The following LMTK2 variants were observed in gnomAD, a reference collection of about 807,000 sequenced individuals.
LMTK2 encodes serine/threonine-protein kinase LMTK2.
In LMTK2, 37 loss-of-function variants were observed where a neutral mutation model predicts 127.5. The observed-to-expected ratio is 0.29, with a 90% CI of 0.22 to 0.38. The LOEUF (loss-of-function observed/expected upper bound fraction) is 0.38, where lower values mean the gene tolerates loss of function less well. LMTK2 is among the 10% of genes least tolerant of loss of function. The pLI is 1.00. For missense variants in LMTK2, 1,694 were observed against 1,920.3 expected, an observed-to-expected ratio of 0.88 and a Z score of 2.20; for synonymous variants, 819 against 810.1, an observed-to-expected ratio of 1.01 and a Z score of -0.19.
At chr7:98,183,474 G>A (rs948218308) in intron 7 of LMTK2, among the ~76,000 whole-genome samples, 3 of 151,984 alleles carry the variant, frequency 2.0e-5, no homozygotes, top group African/African-American at 7.2e-5. Flanking sequence ...TGCAGCCTCC[G>A]CCTCTGGGGG....
chr7:98,193,010 G>A lies in LMTK2; in HGVS notation c.2545G>A (p.Val849Ile), dbSNP rs56196840. The A allele has an allele frequency of 1.2e-6, 2 of 1,613,936 alleles. No homozygotes were observed. The highest frequency in any genetic ancestry group is 1.7e-6 in the Non-Finnish European group (2 of 1,180,022). Residue 849 changes from valine (V) to isoleucine (I), a missense_variant, in exon 11 of 14, where the codon GTC becomes ATC. Val to Ile is a conservative substitution (Grantham distance 29). This residue lies in a region of LMTK2 where 527 missense variants were observed against 539.8 expected (regional missense o/e 0.98). Transcript: ENST00000297293. This position sits in a 1 kb window ranked among gnomAD's most constrained non-coding sequence, Gnocchi z 4.1. ...CCAGCCCACGTGTTTAGATGTTATT[G>A]TCCCGGAGGACTGTCTCCACCAGGA... ...ETQPTCLDVI[V>I]PEDCLHQDIS...
chr7:98,139,089 C>T (rs1256723435), intron 2 of LMTK2, among the ~76,000 whole-genome samples: 1 of 152,174 alleles, frequency 6.6e-6, no homozygotes, highest in East Asian at 1.9e-4. Context: ...AGATAGCCAG[C>T]AGCAAAACTT....
intron 9 of LMTK2, among the ~76,000 whole-genome samples, chr7:98,187,208 C>G (rs1797449092): frequency 6.6e-6 from 1 of 152,172 alleles, no homozygotes; most frequent in South Asian, 2.1e-4. Context: ...CCCCTGCTAC[C>G]CATTTTCCTT....
At chr7:98,111,379 A>G (rs990026121) in intron 1 of LMTK2, among the ~76,000 whole-genome samples, 1 of 152,250 alleles carries the variant, frequency 6.6e-6, no homozygotes, top group Non-Finnish European at 1.5e-5. Context: ...AGTCCTCAAA[A>G]AAGTTCTTGT....
At position 98,194,519 on chromosome 7, in the gene LMTK2, G is replaced by A. The variant is rs1201176679; in HGVS notation, c.4054G>A (p.Glu1352Lys). The change falls in exon 11 of 14, where the codon GAA (glutamate) becomes AAA (lysine). Residue 1352 changes from glutamate to lysine, a missense_variant. Coordinates refer to ENST00000297293, the MANE Select transcript of LMTK2 (RefSeq NM_014916.4). This position sits in a 1 kb window ranked among gnomAD's most constrained non-coding sequence, Gnocchi z 5.4. ...PDPLPEDWKK[E>K]KKAVTFFDDV... ...CCCACTGCCCGAGGACTGGAAGAAG[G>A]AAAAGAAGGCAGTCACGTTTTTCGA... The A allele has an allele frequency of 1.2e-6, 2 of 1,612,342 alleles. No individual in the cohort carries two copies. Among genetic ancestry groups the A allele is most frequent in the Non-Finnish European group, 1.7e-6 (2 of 1,180,038 alleles).
chr7:98,152,368 C>G (rs747975696), intron 4 of LMTK2, among the ~76,000 whole-genome samples: 1 of 152,200 alleles, frequency 6.6e-6, no homozygotes, highest in Non-Finnish European at 1.5e-5. Flanking sequence ...GATGCACTTC[C>G]CAGTAGTCAG....
chr7:98,116,546 C>A (rs573878849), intron 1 of LMTK2, among the ~76,000 whole-genome samples: 74 of 151,994 alleles, frequency 4.9e-4, no homozygotes, highest in Non-Finnish European at 9.0e-4. Context: ...TGGGATGAGG[C>A]CATTTATAGT....
rs541984303 is a variant in LMTK2 at position 98,155,570 on chromosome 7, CG to C, written c.569+697del. On this transcript the variant is annotated intron_variant, in intron 5 of 13. Coordinates refer to ENST00000297293, the MANE Select transcript of LMTK2 (RefSeq NM_014916.4). ...GACAGAAACAGCACTTTACCTATAG[CG>C]GGAAGCAATGTGGAGGACAGCCGAT... 1.4e-3 allele frequency among the ~76,000 whole-genome samples: 215 copies of C among 151,228 alleles called. 1 individual carries two copies. The South Asian group carries it at 0.018, about 12-fold the overall frequency.
At chr7:98,143,021 G>C (rs1796721269) in intron 3 of LMTK2, among the ~76,000 whole-genome samples, 1 of 152,180 alleles carries the variant, frequency 6.6e-6, no homozygotes, top group Admixed American at 6.5e-5. Flanking sequence ...ACAGGATGCA[G>C]AGCCATCACT....
chr7:98,125,024 G>A (rs993200178), intron 1 of LMTK2, among the ~76,000 whole-genome samples: 1 of 150,096 alleles, frequency 6.7e-6, no homozygotes, highest in South Asian at 2.1e-4. Context: ...CCCAGTCCAG[G>A]CTAGGCGCAT....
intron 1 of LMTK2, among the ~76,000 whole-genome samples, chr7:98,115,749 A>G (rs1344672668): frequency 1.3e-5 from 2 of 152,186 alleles, no homozygotes; most frequent in Non-Finnish European, 2.9e-5. Context: ...AGATCGCACC[A>G]CTGTGCCCAG....
chr7:98,136,607 C>G (rs1285235546), intron 1 of LMTK2, among the ~76,000 whole-genome samples: 1 of 152,190 alleles, frequency 6.6e-6, no homozygotes, highest in East Asian at 1.9e-4. Context: ...AAAGGTAGGC[C>G]TGCAGTGGGT....
At chr7:98,178,393 G>A (rs1225673852) in intron 7 of LMTK2, among the ~76,000 whole-genome samples, 2 of 152,184 alleles carry the variant, frequency 1.3e-5, no homozygotes, top group East Asian at 3.8e-4. Context: ...GAATCGGGGT[G>A]GGAACCCTTC....
Position 98,180,925 on chromosome 7 carries a change from G to A in LMTK2, c.792-4126G>A, listed in dbSNP as rs949748198. ...CCCAGCTGGTTCCGGTTCCGTGAGC[G>A]CCCGGCAGACTGAGGGAGAGAGAGA... On this transcript the variant is annotated intron_variant, in intron 7 of 13. Transcript: ENST00000297293. Among the ~76,000 whole-genome samples, 12 of 152,206 alleles carry A rather than the reference G, an allele frequency of 7.9e-5. No individual in the cohort carries two copies. The South Asian group carries it at 8.3e-4, about 11-fold the overall frequency.
At position 98,194,605 on chromosome 7, in the gene LMTK2, C is replaced by T. The variant is rs758636505; in HGVS notation, c.4107+33C>T. On this transcript the variant is annotated intron_variant, in intron 11 of 13. Transcript: ENST00000297293. The surrounding 1 kb of genome is among the most constrained non-coding windows in gnomAD (Gnocchi z 5.4). The stretch of plus-strand genomic sequence containing the variant: ...TTCCCTCTAAATCATTTTCTATACA[C>T]ATCCATATAAGGATTCCAAAATGTG... The T allele has an allele frequency of 1.9e-6, 3 of 1,545,918 alleles. No individual in the cohort carries two copies. The highest frequency in any genetic ancestry group is 1.2e-5 in the South Asian group (1 of 84,212).
At chr7:98,195,373 C>G (rs1797610345) in intron 11 of LMTK2, among the ~76,000 whole-genome samples, 1 of 152,154 alleles carries the variant, frequency 6.6e-6, no homozygotes, top group Non-Finnish European at 1.5e-5. Context: ...CTGACCTGTC[C>G]TCTTTCCCTG....
At chr7:98,156,904 A>T (rs1038430321) in intron 5 of LMTK2, among the ~76,000 whole-genome samples, 4 of 152,142 alleles carry the variant, frequency 2.6e-5, no homozygotes, top group African/African-American at 9.7e-5. Flanking sequence ...CAACTGATAG[A>T]TGAGGCCCAC....
intron 1 of LMTK2, among the ~76,000 whole-genome samples, chr7:98,122,241 G>A (rs1234100248): frequency 6.6e-6 from 1 of 151,762 alleles, no homozygotes. Flanking sequence ...GTTTCGGGGG[G>A]TGCATGTGCA....
chr7:98,161,102 C>G lies in LMTK2; in HGVS notation c.657+1677C>G, dbSNP rs78326103. On this transcript the variant is annotated intron_variant, in intron 6 of 13. Transcript: ENST00000297293. Reference sequence around the variant, plus strand: ...AGTGAGATATTTGTAATTTTATCTACCTATTTGGTATTCTTTTTTGTACCC... The same window carrying G: ...AGTGAGATATTTGTAATTTTATCTAGCTATTTGGTATTCTTTTTTGTACCC... Among the ~76,000 whole-genome samples the G allele has an allele frequency of 7.5e-3, 1,143 of 151,976 alleles. 15 individuals carry two copies. Among genetic ancestry groups the G allele is most frequent in the African/African-American group, 0.026 (1,057 of 41,450 alleles).
Sources: allele counts gnomAD v4.1 joint callset (sites outside exome capture counted in the v4.1 genomes callset), GRCh38; gene constraint gnomAD v4.1.1; regional missense constraint gnomAD v4.1.1; non-coding constraint Gnocchi (gnomAD v3.1); transcripts MANE v1.5; gene names NCBI Gene and HGNC (gene_info 2026-07-23, HGNC 2026-07-21).